GALNT10: variants seen among roughly 807,000 people sequenced by gnomAD.
GALNT10 encodes GalNAc transferase 10.
Under a neutral mutation model 75.0 loss-of-function variants are expected in GALNT10, and 41 were observed. That is an observed-to-expected ratio of 0.55 (90% CI 0.43 to 0.71). GALNT10 has a LOEUF of 0.71. Ranked by LOEUF, GALNT10 falls within the 30% of genes least tolerant of loss-of-function variation. GALNT10 has a pLI of 0.00. For synonymous variants in GALNT10, 302 were observed against 313.0 expected (o/e 0.96, Z 0.37); for missense variants, 727 against 818.5 (o/e 0.89, Z 1.36).
Position 154,260,018 on chromosome 5 carries a change from T to C in GALNT10, c.160-34798T>C, listed in dbSNP as rs543973315. Among the ~76,000 whole-genome samples the C allele has an allele frequency of 5.3e-5, 8 of 152,130 alleles. No homozygotes were observed. The East Asian group carries it at 1.4e-3, about 26-fold the overall frequency. ...ATAATCTAGACCCAAGGAAGAAATATGAAGGGAGAAAACAAACAAACAAAC... is the reference window on the plus strand; with the variant it reads ...ATAATCTAGACCCAAGGAAGAAATACGAAGGGAGAAAACAAACAAACAAAC... On this transcript the variant is annotated intron_variant, in intron 1 of 11. Transcript: ENST00000297107.
At chr5:154,198,010 T>A (rs1029633689) in intron 1 of GALNT10, among the ~76,000 whole-genome samples, 9 of 152,310 alleles carry the variant, frequency 5.9e-5, no homozygotes, top group African/African-American at 2.2e-4. Context: ...CCTGGACATC[T>A]GAGCAGGTGA....
Position 154,226,497 on chromosome 5 carries a change from A to G in GALNT10, c.159+35472A>G, listed in dbSNP as rs1331740950. Reference sequence around the variant, plus strand: ...GACAGTGTTTACTCTCAGTATATTCAATATATTATTCTACTGCATTCTGGT... The same window carrying G: ...GACAGTGTTTACTCTCAGTATATTCGATATATTATTCTACTGCATTCTGGT... On this transcript the variant is annotated intron_variant, in intron 1 of 11. Coordinates refer to ENST00000297107, the MANE Select transcript of GALNT10 (RefSeq NM_198321.4). Among the ~76,000 whole-genome samples the G allele has an allele frequency of 2.0e-5, 3 of 152,240 alleles. No individual in the cohort carries two copies. In the East Asian group the frequency reaches 5.8e-4, roughly 29 times the overall value.
intron 1 of GALNT10, among the ~76,000 whole-genome samples, chr5:154,194,937 G>A (rs897914090): frequency 6.6e-6 from 1 of 152,198 alleles, no homozygotes; most frequent in African/African-American, 2.4e-5. Flanking sequence ...CATCTGAATA[G>A]TGATAGTATA....
intron 4 of GALNT10, among the ~76,000 whole-genome samples, chr5:154,351,858 C>G (rs1342596149): frequency 2.0e-5 from 3 of 152,198 alleles, no homozygotes; most frequent in Non-Finnish European, 2.9e-5. Context: ...TCAGTTATGA[C>G]TCATTTATTT....
chr5:154,242,696 T>C (rs1001738993), intron 1 of GALNT10, among the ~76,000 whole-genome samples: 1 of 152,160 alleles, frequency 6.6e-6, no homozygotes, highest in East Asian at 1.9e-4. Flanking sequence ...TGTGTGACAG[T>C]ATTGTCCTGG....
intron 3 of GALNT10, among the ~76,000 whole-genome samples, chr5:154,328,774 T>G (rs1358217638): frequency 3.9e-5 from 6 of 152,046 alleles, no homozygotes; most frequent in African/African-American, 1.4e-4. Flanking sequence ...TCTGCCAGAG[T>G]GTCTCACAGA....
intron 1 of GALNT10, among the ~76,000 whole-genome samples, chr5:154,199,868 C>T (rs1465740370): frequency 2.0e-5 from 3 of 152,188 alleles, no homozygotes; most frequent in African/African-American, 7.2e-5. Context: ...GCTTCCTGCT[C>T]CTTCTCCTAA....
rs1476877738 is a variant in GALNT10, at chr5:154,297,969, C to T, written c.291C>T (p.Pro97=). 1 of 1,613,752 alleles carries T rather than the reference C, an allele frequency of 6.2e-7. No homozygotes were observed. Among genetic ancestry groups the T allele is most frequent in the Non-Finnish European group, 8.5e-7 (1 of 1,179,732 alleles). ...ATGGAGAACAAGGAAGACCTTACCCCATGACCGATGCTGAGAGAGTGGATC... is the reference window on the plus strand; with the variant it reads ...ATGGAGAACAAGGAAGACCTTACCCTATGACCGATGCTGAGAGAGTGGATC... The part of the protein sequence containing the change: ...VGNGEQGRPY[P]MTDAERVDQA... The change falls in exon 3 of 12, where the codon CCC becomes CCT. Residue 97 remains proline (P), a synonymous_variant. Coordinates refer to ENST00000297107, the MANE Select transcript of GALNT10 (RefSeq NM_198321.4).
At chr5:154,301,966 C>T (rs555557111) in intron 3 of GALNT10, among the ~76,000 whole-genome samples, 3 of 152,296 alleles carry the variant, frequency 2.0e-5, no homozygotes, top group African/African-American at 7.2e-5. Context: ...CTACTGCCAG[C>T]GCTCCTGACA....
intron 4 of GALNT10, among the ~76,000 whole-genome samples, chr5:154,370,532 C>T (rs932490543): frequency 2.6e-5 from 4 of 152,206 alleles, no homozygotes; most frequent in African/African-American, 9.6e-5. Flanking sequence ...GGGATGTCAA[C>T]CAATCCAGGT....
At chr5:154,393,916 C>T (rs1395690540) in intron 7 of GALNT10, among the ~76,000 whole-genome samples, 3 of 152,120 alleles carry the variant, frequency 2.0e-5, no homozygotes, top group Non-Finnish European at 4.4e-5. Context: ...ATATACATTC[C>T]AGCACATTGT....
chr5:154,293,128 G>A (rs1322445599), intron 1 of GALNT10, among the ~76,000 whole-genome samples: 1 of 152,176 alleles, frequency 6.6e-6, no homozygotes, highest in Admixed American at 6.5e-5. Context: ...TGGAAAACCT[G>A]CTAACACAGG....
At chr5:154,398,449 C>G (rs1008352429) in intron 7 of GALNT10, among the ~76,000 whole-genome samples, 6 of 152,226 alleles carry the variant, frequency 3.9e-5, no homozygotes, top group African/African-American at 1.4e-4. Context: ...GCTCCTGCCT[C>G]TTGGGTGAGA....
Position 154,402,639 on chromosome 5 carries a change from G to C in GALNT10, c.1057-1465G>C, listed in dbSNP as rs573670497. 1.3e-5 allele frequency among the ~76,000 whole-genome samples: 2 copies of C among 152,266 alleles called. No individual in the cohort carries two copies. Among genetic ancestry groups the C allele is most frequent in the East Asian group, 3.9e-4 (2 of 5,180 alleles). On this transcript the variant is annotated intron_variant, in intron 7 of 11. Transcript: ENST00000297107. This position sits in a 1 kb window ranked among gnomAD's most constrained non-coding sequence, Gnocchi z 4.2. ...TAGCTCCACCTTGGGTCTCGCATAG[G>C]AGAATAGTCAGGCCATGAGCCAGGG...
intron 3 of GALNT10, among the ~76,000 whole-genome samples, chr5:154,321,017 C>G (rs1042841290): frequency 9.2e-5 from 14 of 152,130 alleles, no homozygotes; most frequent in African/African-American, 3.4e-4. Flanking sequence ...CTGTTTTTTC[C>G]CTCAGCATTT....
chr5:154,369,397 CA>C (rs200232429), intron 4 of GALNT10, among the ~76,000 whole-genome samples: 1 of 151,508 alleles, frequency 6.6e-6, no homozygotes, highest in East Asian at 1.9e-4. Flanking sequence ...CAAAAACAAA[CA>C]AAAAAAACCC....
chr5:154,353,784 C>T (rs1214036471), intron 4 of GALNT10, among the ~76,000 whole-genome samples: 1 of 152,188 alleles, frequency 6.6e-6, no homozygotes, highest in Non-Finnish European at 1.5e-5. Context: ...TCCTTCTGGA[C>T]CAAACTCAAG....
intron 2 of GALNT10, 58 bp downstream of exon 2, chr5:154,294,976 TTGTGTG>T (rs70978534): frequency 0.084 from 50,354 of 601,514 alleles, 656 homozygotes; most frequent in Middle Eastern, 0.11. Flanking sequence ...GCACATATGC[TTGTGTG>T]TGTGTGTGTG....
intron 1 of GALNT10, among the ~76,000 whole-genome samples, chr5:154,277,062 A>G (rs750691803): frequency 1.3e-5 from 2 of 152,108 alleles, no homozygotes; most frequent in Non-Finnish European, 2.9e-5. Flanking sequence ...ACCTCAAACA[A>G]CAACCATATG....
Sources: allele counts gnomAD v4.1 joint callset (sites outside exome capture counted in the v4.1 genomes callset), GRCh38; gene constraint gnomAD v4.1.1; non-coding constraint Gnocchi (gnomAD v3.1); transcripts MANE v1.5; gene names NCBI Gene and HGNC (gene_info 2026-07-23, HGNC 2026-07-21).